Variants in TANGO6 observed in about 807,000 individuals in gnomAD.
The protein encoded by TANGO6 is transport and Golgi organization protein 6 homolog.
In TANGO6, 90 loss-of-function variants were observed where a neutral mutation model predicts 114.2. The ratio of observed to expected loss-of-function variants is 0.79; its 90% confidence interval spans 0.66 to 0.94. The LOEUF is 0.94. Among genes scored for constraint, TANGO6 ranks in the 40% least tolerant of loss-of-function variants. The probability of loss-of-function intolerance (pLI) is 0.00; values close to 1 mark genes in which losing one functional copy is unlikely to be tolerated. For synonymous variants in TANGO6, 477 were observed against 509.8 expected (o/e 0.94, Z 0.87); for missense variants, 1,274 against 1,315.3 (o/e 0.97, Z 0.49).
At chr16:68,871,243 A>G (rs1006680639) in intron 4 of TANGO6, among the ~76,000 whole-genome samples, 1 of 151,956 alleles carries the variant, frequency 6.6e-6, no homozygotes, top group Non-Finnish European at 1.5e-5. Context: ...GGCTTGTGTC[A>G]TTTCTGATGA....
intron 15 of TANGO6, among the ~76,000 whole-genome samples, chr16:69,009,193 T>C (rs1964123615): frequency 6.7e-6 from 1 of 148,858 alleles, no homozygotes; most frequent in South Asian, 2.2e-4. Context: ...GCGATTCTCC[T>C]GTCTCAGCCT....
chr16:69,022,952 C>T lies in TANGO6; in HGVS notation c.2967C>T (p.Asp989=). ...ANLGELCQRL[D]FLLGSVVHEV... is the part of the protein sequence containing the mutation. The stretch of plus-strand genomic sequence containing the variant: ...TTGGGGAGCTGTGCCAGAGGCTGGA[C>T]TTTCTGCTGGGCTCCGTGGTCCATG... Residue 989 remains aspartate, a synonymous_variant, in exon 16 of 18, where the codon GAC becomes GAT. Coordinates refer to ENST00000261778, the MANE Select transcript of TANGO6 (RefSeq NM_024562.2). 2 of 1,601,474 alleles carry T rather than the reference C, an allele frequency of 1.2e-6. No homozygotes were observed. Among genetic ancestry groups the T allele is most frequent in the South Asian group, 1.1e-5 (1 of 88,308 alleles).
intron 7 of TANGO6, chr16:68,885,678 G>A (rs1962530558): frequency 6.6e-6 from 1 of 152,354 alleles, no homozygotes. Flanking sequence ...GGAGCATGAT[G>A]TTTTTAAGGT....
chr16:68,937,443 A>G (rs555811659), intron 14 of TANGO6: 1 of 152,336 alleles, frequency 6.6e-6, no homozygotes, highest in East Asian at 1.9e-4. Context: ...AAAACATGCA[A>G]GTCAGTGGTT....
intron 6 of TANGO6, among the ~76,000 whole-genome samples, chr16:68,879,973 GA>G (rs112327869): frequency 1.4e-5 from 2 of 146,778 alleles, no homozygotes; most frequent in African/African-American, 2.5e-5. Flanking sequence ...AGTTTAAAAT[GA>G]AAAAAAATTT....
chr16:68,948,015 A>G (rs1963434828), intron 14 of TANGO6, among the ~76,000 whole-genome samples: 1 of 147,394 alleles, frequency 6.8e-6, no homozygotes, highest in Non-Finnish European at 1.5e-5. Context: ...ATCTTACTAC[A>G]GTGCAGCTGA....
chr16:69,018,671 C>A (rs2152226794), intron 15 of TANGO6, among the ~76,000 whole-genome samples: 1 of 151,842 alleles, frequency 6.6e-6, no homozygotes, highest in African/African-American at 2.4e-5. Flanking sequence ...CGCCTGTAAT[C>A]CCAGCACTTT....
chr16:68,925,456 A>G (rs1161381908), intron 12 of TANGO6, among the ~76,000 whole-genome samples: 1 of 152,096 alleles, frequency 6.6e-6, no homozygotes, highest in Non-Finnish European at 1.5e-5. Flanking sequence ...TTTTTAAGTC[A>G]GGTTGTTCAT....
intron 14 of TANGO6, among the ~76,000 whole-genome samples, chr16:68,965,155 T>TTTGC: frequency 9.0e-6 from 1 of 111,422 alleles, no homozygotes; most frequent in African/African-American, 4.7e-5. Context: ...ATTTTCTTTT[T>TTTGC]TTGTTTGTTT....
At chr16:68,905,240 T>A (rs906067639) in intron 9 of TANGO6, among the ~76,000 whole-genome samples, 27 of 136,420 alleles carry the variant, frequency 2.0e-4, no homozygotes, top group Admixed American at 1.5e-3. Context: ...CAAAAAAAAA[T>A]AAAATAAAAT....
intron 14 of TANGO6, among the ~76,000 whole-genome samples, chr16:68,966,658 G>A (rs556733883): frequency 6.6e-6 from 1 of 152,124 alleles, no homozygotes; most frequent in Non-Finnish European, 1.5e-5. Context: ...AGGCTTGAGT[G>A]TGGTGGTGTT....
chr16:68,977,373 A>G (rs1179957364), intron 15 of TANGO6, among the ~76,000 whole-genome samples: 1 of 148,736 alleles, frequency 6.7e-6, no homozygotes, highest in Non-Finnish European at 1.5e-5. Context: ...TTATTTATTT[A>G]TTTATTTAAT....
At chr16:68,995,058 T>C (rs1053190592) in intron 15 of TANGO6, among the ~76,000 whole-genome samples, 1 of 152,206 alleles carries the variant, frequency 6.6e-6, no homozygotes, top group Non-Finnish European at 1.5e-5. Flanking sequence ...ATAGTTCCAC[T>C]ATCAAGTTTC....
At chr16:68,895,237 T>C (rs1962689125) in intron 7 of TANGO6, among the ~76,000 whole-genome samples, 1 of 152,140 alleles carries the variant, frequency 6.6e-6, no homozygotes, top group Non-Finnish European at 1.5e-5. Flanking sequence ...TAGTCTCAGC[T>C]ACTCGGGAGG....
Position 69,046,050 on chromosome 16 carries a change from C to T in TANGO6, c.3108+5629C>T, listed in dbSNP as rs554958220. Among the ~76,000 whole-genome samples the T allele has an allele frequency of 7.5e-5, 9 of 119,642 alleles. No homozygotes were observed. The East Asian group carries it at 1.0e-3, about 14-fold the overall frequency. 78.5% of individuals were successfully genotyped at this position (119,642 alleles called of 152,430 possible). On this transcript the variant is annotated intron_variant, in intron 17 of 17. Coordinates refer to ENST00000261778, the MANE Select transcript of TANGO6 (RefSeq NM_024562.2). ...CTGCACTCCAGTCTGGGTGATAGAG[C>T]GAGACTCCAACTCAAAAAAAAAAAA...
chr16:69,082,743 CAA>C (rs530952694), intron 17 of TANGO6, among the ~76,000 whole-genome samples: 1 of 135,578 alleles, frequency 7.4e-6, no homozygotes, highest in African/African-American at 2.7e-5. Flanking sequence ...GACTCCGTCT[CAA>C]AAAAAAAAAA....
At chr16:69,056,653 T>G (rs1960036601) in intron 17 of TANGO6, among the ~76,000 whole-genome samples, 1 of 152,118 alleles carries the variant, frequency 6.6e-6, no homozygotes, top group Non-Finnish European at 1.5e-5. Flanking sequence ...CCAAGTTCCT[T>G]GAAAGATACT....
intron 16 of TANGO6, among the ~76,000 whole-genome samples, chr16:69,032,405 A>G (rs1466636960): frequency 6.6e-6 from 1 of 151,982 alleles, no homozygotes; most frequent in African/African-American, 2.4e-5. Context: ...AGCTGGGACT[A>G]CAGGCATGTG....
At chr16:68,880,867 G>T (rs895619845) in intron 7 of TANGO6, among the ~76,000 whole-genome samples, 2 of 151,930 alleles carry the variant, frequency 1.3e-5, no homozygotes, top group African/African-American at 4.8e-5. Context: ...TGAACCGTTG[G>T]AATGACTAAT....
Sources: gnomAD v4.1 joint callset for allele counts (sites outside exome capture counted in the v4.1 genomes callset) on GRCh38, gnomAD v4.1.1 for gene constraint, MANE v1.5 for transcripts, NCBI Gene and HGNC (gene_info 2026-07-23, HGNC 2026-07-21) for gene names.